Variants in APLP2 observed in about 807,000 individuals in gnomAD.
APLP2 encodes amyloid beta precursor like protein 2, also known as CDEI box-binding protein.
A neutral mutation model predicts 89.9 loss-of-function variants in APLP2; 53 were observed. The observed-to-expected ratio is 0.59, with a 90% confidence interval of 0.47 to 0.74. APLP2 has a LOEUF of 0.74. Among genes scored for constraint, APLP2 ranks in the 30% least tolerant of loss-of-function variants. The pLI is 0.00. For synonymous variants in APLP2, 372 were observed against 348.6 expected (o/e 1.07, Z -0.75); for missense variants, 973 against 975.9 (o/e 1.00, Z 0.04).
intron 1 of APLP2, among the ~76,000 whole-genome samples, chr11:130,100,994 G>A (rs1274401272): frequency 6.6e-6 from 1 of 152,122 alleles, no homozygotes; most frequent in East Asian, 1.9e-4. Context: ...CTCTGCTGCT[G>A]AAAAAGATAC....
chr11:130,133,658 A>G lies in APLP2; in HGVS notation c.1614A>G (p.Glu538=). ...TGACACATCTCCACGTGATTGAAGA[A>G]AGGAGGAACCAAAGCCTCTCTCTGC... is the stretch of plus-strand genomic sequence containing the variant. The part of the protein sequence containing the change: ...QVMTHLHVIE[E]RRNQSLSLLY... Residue 538 remains glutamate, a synonymous_variant, in exon 12 of 17, where the codon GAA becomes GAG. Coordinates refer to ENST00000338167, the MANE Select transcript of APLP2 (RefSeq NM_001142276.2). The G allele has an allele frequency of 6.2e-7, 1 of 1,614,192 alleles. No individual in the cohort carries two copies. The highest frequency in any genetic ancestry group is 1.1e-5 in the South Asian group (1 of 91,084).
intron 1 of APLP2, among the ~76,000 whole-genome samples, chr11:130,082,331 C>T (rs978821722): frequency 1.3e-5 from 2 of 152,028 alleles, no homozygotes; most frequent in Admixed American, 6.5e-5. Flanking sequence ...TTACAGGTGC[C>T]CGCCATCACG....
At chr11:130,130,836 C>G (rs879899806) in intron 11 of APLP2, among the ~76,000 whole-genome samples, 4 of 152,218 alleles carry the variant, frequency 2.6e-5, no homozygotes, top group Non-Finnish European at 5.9e-5. Context: ...GGCTCACTTA[C>G]TGCACGGGTG....
chr11:130,095,131 T>A (rs912877330), intron 1 of APLP2, among the ~76,000 whole-genome samples: 30 of 152,200 alleles, frequency 2.0e-4, no homozygotes, highest in Admixed American at 5.2e-4. Flanking sequence ...AGATGCGTGG[T>A]TCACACCTGT....
At chr11:130,095,847 A>T (rs1047627801) in intron 1 of APLP2, among the ~76,000 whole-genome samples, 2 of 152,204 alleles carry the variant, frequency 1.3e-5, no homozygotes, top group Non-Finnish European at 2.9e-5. Context: ...AAGAGCATAG[A>T]CTTTAGAGTC....
At position 130,123,249 on chromosome 11, in the gene APLP2, T is replaced by C. The variant is rs1950023191; in HGVS notation, c.923-363T>C. Among the ~76,000 whole-genome samples, 1 of 152,206 alleles carries C rather than the reference T, an allele frequency of 6.6e-6. No individual in the cohort carries two copies. Among genetic ancestry groups the C allele is most frequent in the Admixed American group, 6.5e-5 (1 of 15,276 alleles). On this transcript the variant is annotated intron_variant, in intron 6 of 16. Coordinates refer to ENST00000338167, the MANE Select transcript of APLP2 (RefSeq NM_001142276.2). This position sits in a 1 kb window ranked among gnomAD's most constrained non-coding sequence, Gnocchi z 4.0. ...GGGTATCACCACTTAAAGCAGCCTT[T>C]CCACTCACACTGTCTCCTGAATAGA... is the stretch of plus-strand genomic sequence containing the variant.
intron 1 of APLP2, among the ~76,000 whole-genome samples, chr11:130,097,329 A>G (rs1325928389): frequency 6.6e-6 from 1 of 152,180 alleles, no homozygotes; most frequent in African/African-American, 2.4e-5. Context: ...AAATTGTCAG[A>G]TTTTCTTGTT....
chr11:130,116,392 G>T (rs1463518743), intron 3 of APLP2, among the ~76,000 whole-genome samples: 1 of 151,836 alleles, frequency 6.6e-6, no homozygotes, highest in Non-Finnish European at 1.5e-5. Flanking sequence ...CCCTCTCGAT[G>T]GACATTTAGG....
intron 1 of APLP2, among the ~76,000 whole-genome samples, chr11:130,086,206 T>C (rs886319549): frequency 6.6e-6 from 1 of 152,262 alleles, no homozygotes; most frequent in Non-Finnish European, 1.5e-5. Context: ...CAACAGTTAC[T>C]TTCCTTTTTC....
rs34915276 is a variant in APLP2, at chr11:130,127,064, CTTTT to C, written c.1221+248_1221+251del. On this transcript the variant is annotated intron_variant, in intron 8 of 16. Coordinates refer to ENST00000338167, the MANE Select transcript of APLP2 (RefSeq NM_001142276.2). ...AGCACTTCCTATACCATTATCTGCC[CTTTT>C]TTTTTTTTTTTTTGCCATTAACTTG... Among the ~76,000 whole-genome samples, 346 of 127,264 alleles carry C rather than the reference CTTTT, an allele frequency of 2.7e-3. 2 individuals carry two copies. The highest frequency in any genetic ancestry group is 9.1e-3 in the African/African-American group (329 of 35,988). The allele number at this position is 127,264 out of a possible 152,430, so 83.5% of individuals were successfully genotyped here. A position where few individuals can be genotyped will look rare whatever the true frequency, so the allele number is the denominator to read the frequency against.
At chr11:130,070,886 C>T in intron 1 of APLP2, 1 of 882,022 alleles carries the variant, frequency 1.1e-6, no homozygotes, top group Non-Finnish European at 1.5e-6. Flanking sequence ...CCTGAGCATC[C>T]CCGCTGCGAG....
intron 1 of APLP2, among the ~76,000 whole-genome samples, chr11:130,079,871 C>G (rs1469881402): frequency 1.3e-5 from 2 of 152,058 alleles, no homozygotes; most frequent in Non-Finnish European, 2.9e-5. Flanking sequence ...GATACCAGAC[C>G]CTTTATCGGA....
chr11:130,116,944 A>G (rs926201322), intron 3 of APLP2, among the ~76,000 whole-genome samples: 1 of 151,974 alleles, frequency 6.6e-6, no homozygotes, highest in Non-Finnish European at 1.5e-5. Flanking sequence ...AGCCTGACCA[A>G]CACGGTGAAA....
At position 130,130,133 on chromosome 11, in the gene APLP2, T is replaced by A; in HGVS notation, c.1551T>A (p.Val517=). 5 of 1,614,256 alleles carry A rather than the reference T, an allele frequency of 3.1e-6. No homozygotes were observed. Among genetic ancestry groups the A allele is most frequent in the Non-Finnish European group, 4.2e-6 (5 of 1,180,054 alleles). ...GTCATTACCAGCATGTGTTGGCTGT[T>A]GACCCAGAAAAGGCGGCCCAGATGA... ...TIRHYQHVLA[V]DPEKAAQMKS... Residue 517 remains valine (V), a synonymous_variant, in exon 11 of 17, where the codon GTT becomes GTA. Coordinates refer to ENST00000338167, the MANE Select transcript of APLP2 (RefSeq NM_001142276.2).
Position 130,123,878 on chromosome 11 carries a change from C to G in APLP2, c.1090+99C>G, listed in dbSNP as rs1472931812. 7.4e-7 allele frequency: 1 copy of G among 1,348,150 alleles called. No homozygotes were observed. 83.5% of individuals were successfully genotyped at this position (1,348,150 alleles called of 1,614,324 possible). A position where few individuals can be genotyped will look rare whatever the true frequency, so the allele number is the denominator to read the frequency against. On this transcript the variant is annotated intron_variant, in intron 7 of 16. Transcript: ENST00000338167. The surrounding 1 kb of genome is among the most constrained non-coding windows in gnomAD (Gnocchi z 4.0). ...GGCTGCATCTGTGTGGTGTCCCTGC[C>G]CACTCGGGTGTTTGCTGTCGGTCGT...
intron 1 of APLP2, among the ~76,000 whole-genome samples, chr11:130,072,199 C>A (rs1250927898): frequency 1.3e-5 from 2 of 152,174 alleles, no homozygotes; most frequent in Admixed American, 6.5e-5. Context: ...GTGCATGCTC[C>A]CATTTGGGAC....
chr11:130,078,707 A>G (rs1488438116), intron 1 of APLP2, among the ~76,000 whole-genome samples: 3 of 151,870 alleles, frequency 2.0e-5, no homozygotes, highest in Non-Finnish European at 4.4e-5. Flanking sequence ...TGCACCATTT[A>G]TTGTCAAGGT....
intron 1 of APLP2, chr11:130,070,505 C>A: frequency 8.2e-7 from 1 of 1,214,832 alleles, no homozygotes; most frequent in Non-Finnish European, 1.0e-6. Context: ...ACCCCGTACG[C>A]TCCCTCGCGC....
chr11:130,139,279 T>A (rs1952049930), intron 13 of APLP2: 1 of 152,214 alleles, frequency 6.6e-6, no homozygotes, highest in Non-Finnish European at 1.5e-5. Context: ...AGAACAAGTC[T>A]AGTTGTGAGG....
Sources: gnomAD v4.1 joint callset for allele counts (sites outside exome capture counted in the v4.1 genomes callset) on GRCh38, gnomAD v4.1.1 for gene constraint, Gnocchi (gnomAD v3.1) non-coding constraint, MANE v1.5 for transcripts, NCBI Gene and HGNC (gene_info 2026-07-23, HGNC 2026-07-21) for gene names.